The following MSI2 variants were observed in gnomAD, a reference collection of about 807,000 sequenced individuals.
MSI2 encodes the protein RNA-binding protein Musashi homolog 2.
MSI2 carries 17 observed loss-of-function variants against 45.6 expected under a neutral mutation model. The observed-to-expected ratio is 0.37, with a 90% CI of 0.26 to 0.56. The LOEUF (loss-of-function observed/expected upper bound fraction) is 0.56. Among genes scored for constraint, MSI2 ranks in the 20% least tolerant of loss-of-function variants. MSI2 has a pLI of 0.77. For synonymous variants in MSI2, 156 were observed against 158.2 expected (o/e 0.99, Z 0.11); for missense variants, 293 against 444.2 (o/e 0.66, Z 3.06).
the MSI2 span, among the ~76,000 whole-genome samples, chr17:57,701,326 A>G: frequency 6.6e-6 from 1 of 152,164 alleles, no homozygotes; most frequent in South Asian, 2.1e-4. Context: ...CCCCAATTTG[A>G]TGGTATACGA....
intron 7 of MSI2, among the ~76,000 whole-genome samples, chr17:57,594,184 T>C (rs967107420): frequency 1.9e-4 from 29 of 152,220 alleles, no homozygotes; most frequent in African/African-American, 6.8e-4. Context: ...TGCAGGGCGC[T>C]CTGGCTTGAA....
chr17:57,363,060 C>T (rs1916929522), intron 5 of MSI2, among the ~76,000 whole-genome samples: 1 of 152,134 alleles, frequency 6.6e-6, no homozygotes. Flanking sequence ...CATGTGTATA[C>T]CCACATACAT....
At chr17:57,301,876 T>C (rs1911449562) in intron 5 of MSI2, among the ~76,000 whole-genome samples, 1 of 152,238 alleles carries the variant, frequency 6.6e-6, no homozygotes, top group Non-Finnish European at 1.5e-5. Context: ...TTGCTGAGTC[T>C]TAGGGTATCT....
intron 8 of MSI2, among the ~76,000 whole-genome samples, chr17:57,600,420 G>T (rs1014969715): frequency 9.9e-5 from 15 of 152,190 alleles, no homozygotes; most frequent in African/African-American, 3.6e-4. Context: ...AGGTCTTCTG[G>T]TTCAATCTCA....
chr17:57,516,708 A>G (rs1226358573), intron 6 of MSI2, among the ~76,000 whole-genome samples: 1 of 152,170 alleles, frequency 6.6e-6, no homozygotes, highest in Non-Finnish European at 1.5e-5. Flanking sequence ...CTACTTTTCA[A>G]TGCTGGGGTG....
rs1913772929 is a variant in MSI2 at position 57,683,964 on chromosome 17, A to G, written c.*4447A>G. The G allele has an allele frequency of 8.7e-6, 2 of 229,440 alleles. No homozygotes were observed. Among genetic ancestry groups the G allele is most frequent in the Non-Finnish European group, 1.7e-5 (2 of 115,734 alleles). 14.2% of individuals were successfully genotyped at this position (229,440 alleles called of 1,614,324 possible). ...TCTACCAAAAAAAAGTAAGTAAACTAAAACACAAAAACATATAAATAAAAT... is the reference window on the plus strand; with the variant it reads ...TCTACCAAAAAAAAGTAAGTAAACTGAAACACAAAAACATATAAATAAAAT... On this transcript the variant is annotated 3_prime_UTR_variant, in exon 14 of 14. Transcript: ENST00000284073. The surrounding 1 kb of genome is among the most constrained non-coding windows in gnomAD (Gnocchi z 5.2).
intron 6 of MSI2, chr17:57,522,103 G>T (rs2086598703): frequency 6.6e-6 from 1 of 152,218 alleles, no homozygotes; most frequent in South Asian, 2.1e-4. Flanking sequence ...GACCCAGGCA[G>T]CGGCTGTCTC....
chr17:57,580,407 TG>T (rs1283735230), intron 7 of MSI2, among the ~76,000 whole-genome samples: 3 of 152,204 alleles, frequency 2.0e-5, no homozygotes, highest in Non-Finnish European at 4.4e-5. Context: ...GGGCTTGCCT[TG>T]GCCCCCAGCC....
At chr17:57,659,277 G>A (rs567819207) in intron 11 of MSI2, among the ~76,000 whole-genome samples, 88 of 151,702 alleles carry the variant, frequency 5.8e-4, no homozygotes, top group Non-Finnish European at 1.0e-3. Flanking sequence ...TTTGTTTTTG[G>A]TAGAGACAGG....
intron 6 of MSI2, among the ~76,000 whole-genome samples, chr17:57,472,420 T>TG (rs1006408756): frequency 9.9e-5 from 15 of 151,530 alleles, no homozygotes; most frequent in African/African-American, 3.1e-4. Context: ...GAGTAGTGAC[T>TG]GGGGGGTCCC....
chr17:57,441,279 G>A (rs867126460), intron 6 of MSI2, among the ~76,000 whole-genome samples: 2 of 152,142 alleles, frequency 1.3e-5, no homozygotes, highest in African/African-American at 2.4e-5. Context: ...TGCATTTGGT[G>A]CTAAATTGCT....
intron 5 of MSI2, among the ~76,000 whole-genome samples, chr17:57,359,920 G>A (rs1278824529): frequency 1.3e-5 from 2 of 152,206 alleles, no homozygotes; most frequent in Non-Finnish European, 2.9e-5. Flanking sequence ...TTGTGATGTG[G>A]GGTATTCTGG....
intron 5 of MSI2, among the ~76,000 whole-genome samples, chr17:57,329,149 ATTGTGTG>A (rs1279308529): frequency 6.6e-6 from 1 of 152,016 alleles, no homozygotes; most frequent in African/African-American, 2.4e-5. Context: ...AGATGCTGGG[ATTGTGTG>A]TTGTTTCACT....
At chr17:57,428,534 A>G (rs994301582) in intron 6 of MSI2, among the ~76,000 whole-genome samples, 1 of 152,140 alleles carries the variant, frequency 6.6e-6, no homozygotes, top group Non-Finnish European at 1.5e-5. Flanking sequence ...CCTCCTAAGA[A>G]CCCAGGATTA....
chr17:57,577,992 C>T (rs2088095763), intron 7 of MSI2, among the ~76,000 whole-genome samples: 1 of 152,314 alleles, frequency 6.6e-6, no homozygotes, highest in African/African-American at 2.4e-5. Context: ...GTGAAGGCTT[C>T]GCTTTTCTTC....
chr17:57,458,201 C>T lies in MSI2; in HGVS notation c.405+56730C>T, dbSNP rs112051375. ...TTGCAAGCTCCGCCTCCCGGGATCACGCCATTCTCTTGCCTCAGCCTCCCG... is the reference window on the plus strand; with the variant it reads ...TTGCAAGCTCCGCCTCCCGGGATCATGCCATTCTCTTGCCTCAGCCTCCCG... On this transcript the variant is annotated intron_variant, in intron 6 of 13. Coordinates refer to ENST00000284073, the MANE Select transcript of MSI2 (RefSeq NM_138962.4). 1.3e-4 allele frequency among the ~76,000 whole-genome samples: 19 copies of T among 151,064 alleles called. 2 individuals carry two copies. Among genetic ancestry groups the T allele is most frequent in the African/African-American group, 4.4e-4 (18 of 41,086 alleles).
chr17:57,476,199 G>T (rs1271919363), intron 6 of MSI2, among the ~76,000 whole-genome samples: 2 of 152,204 alleles, frequency 1.3e-5, no homozygotes, highest in East Asian at 1.9e-4. Context: ...TACATCAGCA[G>T]CTCCCTCTGG....
chr17:57,465,442 G>C (rs1001262106), intron 6 of MSI2, among the ~76,000 whole-genome samples: 4 of 152,184 alleles, frequency 2.6e-5, no homozygotes, highest in African/African-American at 9.6e-5. Context: ...CCCTGCCTGG[G>C]TTTTTTCAGA....
chr17:57,616,232 G>T (rs78823148), intron 9 of MSI2, 148 bp downstream of exon 9: 2 of 611,434 alleles, frequency 3.3e-6, no homozygotes, highest in African/African-American at 3.7e-5. Context: ...ATAATTCCCC[G>T]TTCCAAGACA....
Sources: gnomAD v4.1 joint callset for allele counts (sites outside exome capture counted in the v4.1 genomes callset) on GRCh38, gnomAD v4.1.1 for gene constraint, Gnocchi (gnomAD v3.1) non-coding constraint, MANE v1.5 for transcripts, NCBI Gene and HGNC (gene_info 2026-07-23, HGNC 2026-07-21) for gene names.